IL13: variants seen among roughly 807,000 people sequenced by gnomAD.
IL13 encodes interleukin-13.
A neutral mutation model predicts 11.1 loss-of-function variants in IL13; 9 were observed. The ratio of observed to expected loss-of-function variants is 0.81; its 90% CI spans 0.49 to 1.42. IL13 has a LOEUF of 1.42. Ranked by LOEUF, IL13 falls within the 40% of genes most tolerant of loss-of-function variation. The pLI, the probability that IL13 is intolerant of heterozygous loss-of-function variation, is 0.00. For synonymous variants in IL13, 75 were observed against 76.9 expected, an observed-to-expected ratio of 0.97 and a Z score of 0.13; for missense variants, 181 against 182.5, an observed-to-expected ratio of 0.99 and a Z score of 0.05.
chr5:132,659,474 A>G lies in IL13; in HGVS notation c.228+3A>G, dbSNP rs1452871740. ...GCATCAACCTGACAGCTGGCATGGT[A>G]AGGACCTTTGGGTGCAGGGAGGATG... On this transcript the variant is annotated splice_donor_region_variant and intron_variant, in intron 2 of 3. Transcript: ENST00000304506. This position sits in a 1 kb window ranked among gnomAD's most constrained non-coding sequence, Gnocchi z 4.1. 1.2e-6 allele frequency: 2 copies of G among 1,610,670 alleles called. No homozygotes were observed. The highest frequency in any genetic ancestry group is 1.7e-5 in the Admixed American group (1 of 59,810).
upstream of IL13, among the ~76,000 whole-genome samples, chr5:132,657,481 C>T (rs1422540670): frequency 6.6e-6 from 1 of 151,976 alleles, no homozygotes; most frequent in Non-Finnish European, 1.5e-5. Context: ...CATAGTGAGA[C>T]CCCATCTCCA....
In IL13 at chr5:132,660,356, G is replaced by A; in HGVS notation, c.*74G>A. The A allele has an allele frequency of 6.4e-7, 1 of 1,562,752 alleles. No homozygotes were observed. The highest frequency in any genetic ancestry group is 1.4e-5 in the African/African-American group (1 of 73,712). The stretch of plus-strand genomic sequence containing the variant: ...TTGCAGATTCATTTTTCTTTCTGAT[G>A]TCAAAAATGTCTTGGGTAGGCGGGA... On this transcript the variant is annotated 3_prime_UTR_variant, in exon 4 of 4. Coordinates refer to ENST00000304506, the MANE Select transcript of IL13 (RefSeq NM_002188.3).
At position 132,659,540 on chromosome 5, in the gene IL13, T is replaced by C. The variant is rs1752107345; in HGVS notation, c.228+69T>C. 5 of 1,558,510 alleles carry C rather than the reference T, an allele frequency of 3.2e-6. No homozygotes were observed. The South Asian group carries it at 4.6e-5, about 14-fold the overall frequency. Reference sequence around the variant, plus strand: ...GCCTTGGGCTTATCTTCTCTGAGCCTCCCTTCCATGGCTGGGGTTCCAAGC... The same window carrying C: ...GCCTTGGGCTTATCTTCTCTGAGCCCCCCTTCCATGGCTGGGGTTCCAAGC... On this transcript the variant is annotated intron_variant, in intron 2 of 3. Transcript: ENST00000304506. This position sits in a 1 kb window ranked among gnomAD's most constrained non-coding sequence, Gnocchi z 4.1.
At chr5:132,658,745 T>G in intron 1 of IL13, 1 of 194,890 alleles carries the variant, frequency 5.1e-6, no homozygotes, top group Non-Finnish European at 1.0e-5. Context: ...AGCACCATCA[T>G]AGGCCCGCCC....
intron 3 of IL13, 83 bp from the exon 4 acceptor site, chr5:132,660,092 A>T: frequency 2.8e-6 from 4 of 1,409,624 alleles, no homozygotes; most frequent in Non-Finnish European, 3.9e-6. Flanking sequence ...ACTGAATGAG[A>T]CAGTCCCTGG....
At position 132,658,273 on chromosome 5, in the gene IL13, C is replaced by T. The variant is rs201424420; in HGVS notation, c.87C>T (p.Gly29=). The T allele has an allele frequency of 2.1e-5, 33 of 1,606,328 alleles. No homozygotes were observed. The East Asian group carries it at 2.9e-4, about 14-fold the overall frequency. The change falls in exon 1 of 4, where the codon GGC becomes GGT. Residue 29 remains glycine, a synonymous_variant. Coordinates refer to ENST00000304506, the MANE Select transcript of IL13 (RefSeq NM_002188.3). ...CGGTCATTGCTCTCACTTGCCTTGG[C>T]GGCTTTGCCTCCCCAGGCCCTGTGC... ...LTTVIALTCL[G]GFASPGPVPP... is the part of the protein sequence containing the mutation.
Position 132,659,924 on chromosome 5 carries a change from G to A in IL13, c.333+96G>A. 6.5e-7 allele frequency: 1 copy of A among 1,527,918 alleles called. No homozygotes were observed. Among genetic ancestry groups the A allele is most frequent in the East Asian group, 2.4e-5 (1 of 41,432 alleles). The allele number at this position is 1,527,918 out of a possible 1,614,324, so 94.6% of individuals were successfully genotyped here. A position where few individuals can be genotyped will look rare whatever the true frequency, so the allele number is the denominator to read the frequency against. On this transcript the variant is annotated intron_variant, in intron 3 of 3. Transcript: ENST00000304506. This position sits in a 1 kb window ranked among gnomAD's most constrained non-coding sequence, Gnocchi z 4.1. ...AGCTGGCTGAATATCCATGGTGTGT[G>A]TCCACCCAGGGGTGGGGCCATTGTG... is the stretch of plus-strand genomic sequence containing the variant.
At position 132,659,857 on chromosome 5, in the gene IL13, A is replaced by G. The variant is rs1453792616; in HGVS notation, c.333+29A>G. 1.9e-6 allele frequency: 3 copies of G among 1,606,876 alleles called. No homozygotes were observed. The highest frequency in any genetic ancestry group is 2.7e-5 in the African/African-American group (2 of 74,480). On this transcript the variant is annotated intron_variant, in intron 3 of 3. Transcript: ENST00000304506. The surrounding 1 kb of genome is among the most constrained non-coding windows in gnomAD (Gnocchi z 4.1). Reference sequence around the variant, plus strand: ...AGGCATCCCCCACCCTCTCACACCCACCCTGCACCCCCTCCTGCCAACCCT... The same window carrying G: ...AGGCATCCCCCACCCTCTCACACCCGCCCTGCACCCCCTCCTGCCAACCCT...
In IL13 at chr5:132,661,094, A is replaced by G. The variant is rs546023282; in HGVS notation, c.*812A>G. On this transcript the variant is annotated 3_prime_UTR_variant, in exon 4 of 4. Coordinates refer to ENST00000304506, the MANE Select transcript of IL13 (RefSeq NM_002188.3). The stretch of plus-strand genomic sequence containing the variant: ...TGACTATCAAACTGAAGCCAGAAAT[A>G]AAGTTGGTGACAGATAGGCCTGATT... 1 of 152,532 alleles carries G rather than the reference A, an allele frequency of 6.6e-6. No individual in the cohort carries two copies. The highest frequency in any genetic ancestry group is 2.1e-4 in the South Asian group (1 of 4,820). 9.4% of individuals were successfully genotyped at this position (152,532 alleles called of 1,614,324 possible). A position where few individuals can be genotyped will look rare whatever the true frequency, so the allele number is the denominator to read the frequency against.
intron 1 of IL13, chr5:132,658,977 C>T (rs2069744): frequency 0.076 from 15,446 of 202,282 alleles, 1,884 homozygotes; most frequent in African/African-American, 0.28. Context: ...ACCAGAGTGT[C>T]CATGCTCCTA....
At chr5:132,658,712 A>G (rs1458367062) in intron 1 of IL13, 8 of 236,772 alleles carry the variant, frequency 3.4e-5, no homozygotes, top group Admixed American at 1.0e-4. Flanking sequence ...GATTTTGACC[A>G]TAACAATGCA....
In IL13 at chr5:132,659,774, C is replaced by G. The variant is rs770108365; in HGVS notation, c.279C>G (p.Ile93Met). The stretch of plus-strand genomic sequence containing the variant: ...TCAACGTGTCAGGCTGCAGTGCCAT[C>G]GAGAAGACCCAGAGGATGCTGAGCG... ...SLINVSGCSA[I>M]EKTQRMLSGF... The change falls in exon 3 of 4, where the codon ATC (isoleucine) becomes ATG (methionine). Residue 93 changes from isoleucine to methionine, a missense_variant. Ile to Met is a conservative substitution (Grantham distance 10, BLOSUM62 1). Coordinates refer to ENST00000304506, the MANE Select transcript of IL13 (RefSeq NM_002188.3). The surrounding 1 kb of genome is among the most constrained non-coding windows in gnomAD (Gnocchi z 4.1). The G allele has an allele frequency of 6.2e-7, 1 of 1,613,936 alleles. No individual in the cohort carries two copies.
Position 132,659,319 on chromosome 5 carries a change from T to G in IL13, c.175-99T>G, listed in dbSNP as rs1168268134. Reference sequence around the variant, plus strand: ...GCCTGCCTCTGTGCCACACCAGGGATGCTTGTGGGGCCTGTGCTGGGGCAG... The same window carrying G: ...GCCTGCCTCTGTGCCACACCAGGGAGGCTTGTGGGGCCTGTGCTGGGGCAG... On this transcript the variant is annotated intron_variant, in intron 1 of 3. Coordinates refer to ENST00000304506, the MANE Select transcript of IL13 (RefSeq NM_002188.3). The surrounding 1 kb of genome is among the most constrained non-coding windows in gnomAD (Gnocchi z 4.1). 2.4e-6 allele frequency: 2 copies of G among 822,702 alleles called. No homozygotes were observed. Among genetic ancestry groups the G allele is most frequent in the African/African-American group, 1.7e-5 (1 of 59,410 alleles). 51.0% of individuals were successfully genotyped at this position (822,702 alleles called of 1,614,324 possible). A position where few individuals can be genotyped will look rare whatever the true frequency, so the allele number is the denominator to read the frequency against.
rs529997471 is a variant in IL13 at position 132,660,552 on chromosome 5, C to T, written c.*270C>T. 4.7e-6 allele frequency: 2 copies of T among 423,768 alleles called. 1 individual carries two copies. The highest frequency in any genetic ancestry group is 4.9e-5 in the South Asian group (2 of 41,232). The allele number at this position is 423,768 out of a possible 1,614,324, so 26.3% of individuals were successfully genotyped here. On this transcript the variant is annotated 3_prime_UTR_variant, in exon 4 of 4. Coordinates refer to ENST00000304506, the MANE Select transcript of IL13 (RefSeq NM_002188.3). ...AGGGATGACATGTCCCTACACCCCT[C>T]CCCTGCCCTAGAGCACACTGTAGCA...
Position 132,660,264 on chromosome 5 carries a change from C to T in IL13, c.423C>T (p.Arg141=), listed in dbSNP as rs199797009. The T allele has an allele frequency of 2.9e-5, 46 of 1,613,890 alleles. No individual in the cohort carries two copies. Among genetic ancestry groups the T allele is most frequent in the South Asian group, 4.4e-5 (4 of 91,070 alleles). The stretch of plus-strand genomic sequence containing the variant: ...TCTTACATTTAAAGAAACTTTTTCG[C>T]GAGGGACAGTTCAACTGAAACTTCG... ...DLLLHLKKLF[R]EGQFN The change falls in exon 4 of 4, where the codon CGC becomes CGT. Residue 141 remains arginine (R), a synonymous_variant. Coordinates refer to ENST00000304506, the MANE Select transcript of IL13 (RefSeq NM_002188.3).
At position 132,659,591 on chromosome 5, in the gene IL13, C is replaced by A; in HGVS notation, c.228+120C>A. On this transcript the variant is annotated intron_variant, in intron 2 of 3. Transcript: ENST00000304506. The surrounding 1 kb of genome is among the most constrained non-coding windows in gnomAD (Gnocchi z 4.1). ...AAGCTTCAAGTGCTCTCCTCCCTCC[C>A]GCCATAATCTGGCCCCTTCCCGCCC... The A allele has an allele frequency of 1.3e-6, 2 of 1,573,896 alleles. No individual in the cohort carries two copies. The highest frequency in any genetic ancestry group is 1.7e-6 in the Non-Finnish European group (2 of 1,154,526).
upstream of IL13, chr5:132,657,059 C>T (rs1254333288): frequency 6.5e-6 from 1 of 154,158 alleles, no homozygotes; most frequent in Non-Finnish European, 1.4e-5. Flanking sequence ...ACATCAACAC[C>T]CAACAGGCAA....
Position 132,658,273 on chromosome 5 carries a change from C to G in IL13, c.87C>G (p.Gly29=). The change falls in exon 1 of 4, where the codon GGC becomes GGG. Residue 29 remains glycine (G), a synonymous_variant. Transcript: ENST00000304506. ...LTTVIALTCL[G]GFASPGPVPP... ...CGGTCATTGCTCTCACTTGCCTTGG[C>G]GGCTTTGCCTCCCCAGGCCCTGTGC... 1 of 1,606,448 alleles carries G rather than the reference C, an allele frequency of 6.2e-7. No homozygotes were observed. Among genetic ancestry groups the G allele is most frequent in the South Asian group, 1.1e-5 (1 of 90,912 alleles).
At chr5:132,656,816 C>T (rs1752041866), upstream of IL13, among the ~76,000 whole-genome samples, 1 of 152,116 alleles carries the variant, frequency 6.6e-6, no homozygotes, top group Non-Finnish European at 1.5e-5. Flanking sequence ...GGCTGGGAAG[C>T]TTCGAGTGTG....
Sources: gnomAD v4.1 joint callset for allele counts (sites outside exome capture counted in the v4.1 genomes callset) on GRCh38, gnomAD v4.1.1 for gene constraint, Gnocchi (gnomAD v3.1) non-coding constraint, MANE v1.5 for transcripts, NCBI Gene and HGNC (gene_info 2026-07-23, HGNC 2026-07-21) for gene names.